SLC9C2: variants seen among roughly 807,000 people sequenced by gnomAD.
SLC9C2 encodes solute carrier family 9 member C2 (putative), also known as sodium/hydrogen exchanger 11.
SLC9C2 carries 75 observed loss-of-function variants against 140.2 expected under a neutral mutation model. That is an observed-to-expected ratio of 0.53 (90% CI 0.44 to 0.65). The LOEUF is 0.65. Ranked by LOEUF, SLC9C2 falls within the 30% of genes least tolerant of loss-of-function variation. The pLI, the probability that SLC9C2 is intolerant of heterozygous loss-of-function variation, is 0.00. For missense variants in SLC9C2, 1,074 were observed against 1,331.8 expected (o/e 0.81, Z 3.01); for synonymous variants, 375 against 420.9 (o/e 0.89, Z 1.34).
At chr1:173,505,194 G>T in intron 26 of SLC9C2, 53 bp downstream of exon 26, 1 of 1,379,304 alleles carries the variant, frequency 7.3e-7, no homozygotes, top group Non-Finnish European at 1.0e-6. Flanking sequence ...AATTTTACAT[G>T]TATTGAAGTT....
chr1:173,565,341 G>A (rs944992450), intron 9 of SLC9C2, among the ~76,000 whole-genome samples: 5 of 152,156 alleles, frequency 3.3e-5, no homozygotes, highest in Non-Finnish European at 5.9e-5. Context: ...ATAGGTTGAG[G>A]TCTTAGATTT....
At chr1:173,556,315 C>A (rs961774390) in intron 10 of SLC9C2, among the ~76,000 whole-genome samples, 4 of 152,144 alleles carry the variant, frequency 2.6e-5, no homozygotes, top group African/African-American at 9.7e-5. Flanking sequence ...CAGCCACCAC[C>A]AGACTCCCCA....
At chr1:173,565,576 T>C (rs1558072567) in intron 9 of SLC9C2, among the ~76,000 whole-genome samples, 1 of 152,350 alleles carries the variant, frequency 6.6e-6, no homozygotes, top group East Asian at 1.9e-4. Context: ...TGTGTCTGTT[T>C]TTATGCCATT....
chr1:173,600,251 C>T (rs1421771225), intron 2 of SLC9C2, 34 bp from the exon 3 acceptor site: 2 of 1,487,160 alleles, frequency 1.3e-6, no homozygotes, highest in African/African-American at 2.8e-5. Context: ...TGCATGAGTA[C>T]TCGAAGTACA....
chr1:173,515,526 T>C (rs1660356717), intron 23 of SLC9C2, among the ~76,000 whole-genome samples: 1 of 152,332 alleles, frequency 6.6e-6, no homozygotes, highest in Admixed American at 6.5e-5. Flanking sequence ...TCTATGTTCC[T>C]TTCTAAACTA....
chr1:173,581,884 AATG>A lies in SLC9C2; in HGVS notation c.762_764del (p.Ile255del), dbSNP rs1571611095. On this transcript the variant is annotated inframe_deletion, in exon 7 of 28. Coordinates refer to ENST00000367714, the MANE Select transcript of SLC9C2 (RefSeq NM_178527.4). ...TCATGTACACCATTGAAAAGCAGAG[AATG>A]ATATTAGTCAGCATATTGCTAAAAA... 1 of 1,596,962 alleles carries A rather than the reference AATG, an allele frequency of 6.3e-7. No homozygotes were observed. The highest frequency in any genetic ancestry group is 8.6e-7 in the Non-Finnish European group (1 of 1,169,340).
intron 5 of SLC9C2, among the ~76,000 whole-genome samples, chr1:173,585,770 C>T (rs1189703785): frequency 6.6e-6 from 1 of 152,124 alleles, no homozygotes; most frequent in African/African-American, 2.4e-5. Context: ...AGTTCGAGAT[C>T]AGCCTGGCCA....
intron 12 of SLC9C2, 41 bp from the exon 13 acceptor site, chr1:173,547,825 A>G (rs1319748903): frequency 6.9e-7 from 1 of 1,456,988 alleles, no homozygotes; most frequent in East Asian, 2.3e-5. Context: ...TAAAGGGATA[A>G]AGTTAAAAAT....
intron 4 of SLC9C2, among the ~76,000 whole-genome samples, chr1:173,592,174 T>C (rs1317733311): frequency 6.6e-6 from 1 of 152,170 alleles, no homozygotes; most frequent in Non-Finnish European, 1.5e-5. Flanking sequence ...ATCAGACGGT[T>C]TTAGGTGTGC....
intron 10 of SLC9C2, among the ~76,000 whole-genome samples, chr1:173,555,073 G>A (rs1007918847): frequency 2.6e-5 from 4 of 152,230 alleles, no homozygotes; most frequent in Admixed American, 2.6e-4. Context: ...GACACAGGGA[G>A]GAGGTCTCCA....
intron 4 of SLC9C2, among the ~76,000 whole-genome samples, chr1:173,594,453 A>T (rs1478970643): frequency 6.6e-6 from 1 of 152,214 alleles, no homozygotes; most frequent in Non-Finnish European, 1.5e-5. Context: ...TTAAAATTAC[A>T]ATTTTTAAAA....
At chr1:173,511,029 C>CTTT (rs71111066) in intron 23 of SLC9C2, among the ~76,000 whole-genome samples, 13,647 of 86,430 alleles carry the variant, frequency 0.16, 1,673 homozygotes, top group East Asian at 0.46. Flanking sequence ...CTTTCTTTTC[C>CTTT]TTTTTTTTTT....
chr1:173,552,637 T>C (rs972578484), intron 11 of SLC9C2, among the ~76,000 whole-genome samples: 3 of 152,216 alleles, frequency 2.0e-5, no homozygotes, highest in South Asian at 4.1e-4. Context: ...CATCTCTTTA[T>C]AGCATGGTTT....
chr1:173,559,013 C>T (rs1444570010), intron 9 of SLC9C2, among the ~76,000 whole-genome samples: 2 of 152,176 alleles, frequency 1.3e-5, no homozygotes, highest in Non-Finnish European at 2.9e-5. Flanking sequence ...GATGATAATT[C>T]TTATCTCCTA....
intron 7 of SLC9C2, among the ~76,000 whole-genome samples, chr1:173,578,178 G>A (rs1490464371): frequency 1.3e-5 from 2 of 152,152 alleles, no homozygotes; most frequent in African/African-American, 4.8e-5. Context: ...TAGGATGGAG[G>A]AGTCCCTCTT....
At position 173,548,463 on chromosome 1, in the gene SLC9C2, A is replaced by G; in HGVS notation, c.1387T>C (p.Phe463Leu). 2 of 1,613,804 alleles carry G rather than the reference A, an allele frequency of 1.2e-6. No homozygotes were observed. The highest frequency in any genetic ancestry group is 2.2e-5 in the South Asian group (2 of 91,052). The change falls in exon 12 of 28, where the codon TTT (phenylalanine) becomes CTT (leucine). Residue 463 changes from phenylalanine to leucine, a missense_variant. By Grantham distance (22) the Phe-to-Leu change is conservative (BLOSUM62 0). Transcript: ENST00000367714. ...QEIVQNTITL[F>L]KTEKILTNVN... ...TTTGTCAAAATTTTTTCTGTTTTAA[A>G]TAAAGTTATTGTGTTCTGTACTATC... is the stretch of plus-strand genomic sequence containing the variant.
intron 9 of SLC9C2, among the ~76,000 whole-genome samples, chr1:173,564,416 C>T (rs1440391668): frequency 1.3e-5 from 2 of 152,142 alleles, no homozygotes; most frequent in African/African-American, 4.8e-5. Flanking sequence ...CAGATGATAT[C>T]TTACTGTAGT....
intron 4 of SLC9C2, among the ~76,000 whole-genome samples, chr1:173,589,793 A>C (rs1355381911): frequency 1.3e-5 from 2 of 152,214 alleles, no homozygotes; most frequent in Non-Finnish European, 2.9e-5. Context: ...TTTATGATTC[A>C]ATTAAGCCTA....
At chr1:173,536,056 C>A in intron 14 of SLC9C2, 107 bp from the exon 15 acceptor site, 1 of 976,902 alleles carries the variant, frequency 1.0e-6, no homozygotes, top group Non-Finnish European at 1.4e-6. Flanking sequence ...TATGGACCCA[C>A]CAAATAAGCT....
Sources: allele counts gnomAD v4.1 joint callset (sites outside exome capture counted in the v4.1 genomes callset), GRCh38; gene constraint gnomAD v4.1.1; transcripts MANE v1.5; gene names NCBI Gene and HGNC (gene_info 2026-07-23, HGNC 2026-07-21).